The following EFR3B variants were observed in gnomAD, a reference collection of about 807,000 sequenced individuals.
The protein encoded by EFR3B is protein EFR3 homolog B.
Under a neutral mutation model 104.7 loss-of-function variants are expected in EFR3B, and 64 were observed. The observed-to-expected ratio is 0.61, with a 90% CI of 0.50 to 0.75. The LOEUF is 0.75. Ranked by LOEUF, EFR3B falls within the 30% of genes least tolerant of loss-of-function variation. The pLI is 0.00. For missense variants in EFR3B, 750 were observed against 1,078.5 expected, an observed-to-expected ratio of 0.70 and a Z score of 4.27; for synonymous variants, 385 against 417.9, an observed-to-expected ratio of 0.92 and a Z score of 0.96.
At position 25,131,246 on chromosome 2, in the gene EFR3B, A is replaced by G; in HGVS notation, c.850-122A>G. ...GGCACGAGGTGTCAGTGCCAACTGC[A>G]GTGCCCGGGGCCTTGGAACGTCCCT... On this transcript the variant is annotated intron_variant, in intron 8 of 22. Transcript: ENST00000403714. This position sits in a 1 kb window ranked among gnomAD's most constrained non-coding sequence, Gnocchi z 7.6. The G allele has an allele frequency of 7.5e-7, 1 of 1,326,138 alleles. No homozygotes were observed. The highest frequency in any genetic ancestry group is 1.0e-6 in the Non-Finnish European group (1 of 987,234). 82.1% of individuals were successfully genotyped at this position (1,326,138 alleles called of 1,614,324 possible).
chr2:25,091,435 C>T, intron 2 of EFR3B, 34 bp downstream of exon 2: 1 of 1,535,878 alleles, frequency 6.5e-7, no homozygotes, highest in African/African-American at 1.4e-5. Context: ...TCGTGGCTCT[C>T]ATGGTCCAGG....
At chr2:25,134,329 A>G (rs992497792) in intron 12 of EFR3B, among the ~76,000 whole-genome samples, 12 of 152,008 alleles carry the variant, frequency 7.9e-5, no homozygotes, top group African/African-American at 2.7e-4. Context: ...CACCACGCCT[A>G]GCTAATTTTT....
In EFR3B at chr2:25,154,397, GC is replaced by G; in HGVS notation, c.*60del. ...GGGTCTGAGGAGGGGCTCACCTCAC[GC>G]CCACCCCGACCACATGGAGATCTGG... is the stretch of plus-strand genomic sequence containing the variant. On this transcript the variant is annotated 3_prime_UTR_variant, in exon 23 of 23. Coordinates refer to ENST00000403714, the MANE Select transcript of EFR3B (RefSeq NM_014971.2). This position sits in a 1 kb window ranked among gnomAD's most constrained non-coding sequence, Gnocchi z 4.1. The G allele has an allele frequency of 7.0e-7, 1 of 1,428,668 alleles. No individual in the cohort carries two copies. The highest frequency in any genetic ancestry group is 2.5e-5 in the East Asian group (1 of 40,138). The allele number at this position is 1,428,668 out of a possible 1,614,324, so 88.5% of individuals were successfully genotyped here. A position where few individuals can be genotyped will look rare whatever the true frequency, so the allele number is the denominator to read the frequency against.
chr2:25,081,994 A>G (rs1376700090), intron 1 of EFR3B, among the ~76,000 whole-genome samples: 1 of 152,174 alleles, frequency 6.6e-6, no homozygotes, highest in Non-Finnish European at 1.5e-5. Context: ...CAGTCAGGCA[A>G]ACAGGATCCA....
chr2:25,105,801 C>T (rs1669546056), intron 4 of EFR3B, among the ~76,000 whole-genome samples: 1 of 152,188 alleles, frequency 6.6e-6, no homozygotes, highest in Non-Finnish European at 1.5e-5. Flanking sequence ...CTCTAGCTTC[C>T]CCCACAGGAA....
At chr2:25,148,790 T>A (rs1235921501) in intron 19 of EFR3B, among the ~76,000 whole-genome samples, 1 of 150,472 alleles carries the variant, frequency 6.6e-6, no homozygotes, top group Non-Finnish European at 1.5e-5. Context: ...GGCGTAGTGG[T>A]GGGCGCCTGT....
intron 1 of EFR3B, among the ~76,000 whole-genome samples, chr2:25,083,904 C>G (rs544726858): frequency 6.6e-6 from 1 of 152,310 alleles, no homozygotes; most frequent in South Asian, 2.1e-4. Flanking sequence ...CCAAGGGACA[C>G]GTGCACTCTA....
intron 16 of EFR3B, 113 bp from the exon 17 acceptor site, chr2:25,141,253 G>A: frequency 9.0e-7 from 1 of 1,113,318 alleles, no homozygotes; most frequent in Non-Finnish European, 1.3e-6. Context: ...ACACTGTGCT[G>A]AGGAGGCTGT....
intron 1 of EFR3B, chr2:25,080,030 T>C: frequency 1.1e-6 from 1 of 881,928 alleles, no homozygotes. Context: ...GCCCACTGTC[T>C]GCTCTCGGTG....
intron 19 of EFR3B, among the ~76,000 whole-genome samples, chr2:25,148,694 A>C (rs1397781702): frequency 6.7e-6 from 1 of 148,714 alleles, no homozygotes; most frequent in African/African-American, 2.5e-5. Context: ...AGGCCAAGGC[A>C]GGCGGATCAC....
intron 1 of EFR3B, among the ~76,000 whole-genome samples, chr2:25,058,698 G>T (rs1668091407): frequency 6.6e-6 from 1 of 151,372 alleles, no homozygotes; most frequent in Non-Finnish European, 1.5e-5. Context: ...GGGGGAGCTT[G>T]CAGTGAGCCG....
chr2:25,085,740 C>T (rs1169981754), intron 1 of EFR3B, among the ~76,000 whole-genome samples: 5 of 151,928 alleles, frequency 3.3e-5, no homozygotes, highest in African/African-American at 9.7e-5. Flanking sequence ...GCTGGGATTA[C>T]AGGTGTGAGC....
chr2:25,083,676 A>G (rs900793604), intron 1 of EFR3B, among the ~76,000 whole-genome samples: 6 of 152,172 alleles, frequency 3.9e-5, no homozygotes, highest in Non-Finnish European at 8.8e-5. Context: ...ATCTCCTGCC[A>G]TCAGCTTTGA....
intron 2 of EFR3B, among the ~76,000 whole-genome samples, chr2:25,091,665 T>G (rs903988724): frequency 2.6e-5 from 4 of 152,238 alleles, no homozygotes; most frequent in African/African-American, 9.6e-5. Context: ...TGGCCATCAC[T>G]GTCCAACCGA....
intron 4 of EFR3B, among the ~76,000 whole-genome samples, chr2:25,105,674 A>T (rs1669542368): frequency 6.6e-6 from 1 of 152,222 alleles, no homozygotes; most frequent in South Asian, 2.1e-4. Context: ...CAACAGCTTC[A>T]GATACTGTTT....
chr2:25,125,520 C>T (rs527336662), intron 5 of EFR3B, among the ~76,000 whole-genome samples: 34 of 152,304 alleles, frequency 2.2e-4, no homozygotes, highest in Middle Eastern at 3.4e-3. Context: ...CCAGGTGCTT[C>T]CAGGGAATCC....
At chr2:25,110,366 C>G (rs1558605585) in intron 4 of EFR3B, among the ~76,000 whole-genome samples, 1 of 152,144 alleles carries the variant, frequency 6.6e-6, no homozygotes, top group Non-Finnish European at 1.5e-5. Context: ...TTTCAGGCAG[C>G]CTCCTCTCAC....
chr2:25,045,668 G>T (rs1258350813), intron 1 of EFR3B, among the ~76,000 whole-genome samples: 1 of 152,104 alleles, frequency 6.6e-6, no homozygotes, highest in Non-Finnish European at 1.5e-5. Flanking sequence ...TGTAATCCCG[G>T]TTACTCGGGA....
At chr2:25,063,874 C>T (rs771771497) in intron 1 of EFR3B, among the ~76,000 whole-genome samples, 30 of 152,122 alleles carry the variant, frequency 2.0e-4, no homozygotes, top group Non-Finnish European at 2.9e-4. Context: ...TTTCCAGCTG[C>T]GTTCTCACTC....
Sources: gnomAD v4.1 joint callset for allele counts (sites outside exome capture counted in the v4.1 genomes callset) on GRCh38, gnomAD v4.1.1 for gene constraint, Gnocchi (gnomAD v3.1) non-coding constraint, MANE v1.5 for transcripts, NCBI Gene and HGNC (gene_info 2026-07-23, HGNC 2026-07-21) for gene names.